Variants in BCAS3 observed in about 807,000 individuals in gnomAD.
BCAS3 encodes BCAS3 microtubule associated cell migration factor, also known as BCAS4/BCAS3 fusion.
In BCAS3, 53 loss-of-function variants were observed where a neutral mutation model predicts 116.1. The ratio of observed to expected loss-of-function variants is 0.46; its 90% CI spans 0.37 to 0.57. The LOEUF (loss-of-function observed/expected upper bound fraction) is 0.57. BCAS3 is among the 20% of genes least tolerant of loss of function. BCAS3 has a pLI of 0.00. For synonymous variants in BCAS3, 391 were observed against 408.2 expected, an observed-to-expected ratio of 0.96 and a Z score of 0.51; for missense variants, 917 against 1,165.4, an observed-to-expected ratio of 0.79 and a Z score of 3.10.
chr17:60,693,056 A>G (rs1253307269), intron 4 of BCAS3, among the ~76,000 whole-genome samples: 3 of 151,800 alleles, frequency 2.0e-5, no homozygotes, highest in Non-Finnish European at 4.4e-5. Flanking sequence ...TTGTATTTTT[A>G]GGAGAAACAG....
chr17:61,011,601 A>G (rs1034114536), intron 15 of BCAS3, among the ~76,000 whole-genome samples: 7 of 152,058 alleles, frequency 4.6e-5, no homozygotes, highest in Admixed American at 3.9e-4. Context: ...GGAAATAAAT[A>G]TATTTCCTTC....
chr17:61,326,749 G>T lies in BCAS3; in HGVS notation c.2426-41578G>T, dbSNP rs2055762967. On this transcript the variant is annotated intron_variant, in intron 22 of 23. Coordinates refer to ENST00000407086, the MANE Select transcript of BCAS3 (RefSeq NM_017679.5). The surrounding 1 kb of genome is among the most constrained non-coding windows in gnomAD (Gnocchi z 5.3). ...GCTTGGATACATTACATTTCCAGTGGATTTGAAGATGTTAAATCTACAGTC... is the reference window on the plus strand; with the variant it reads ...GCTTGGATACATTACATTTCCAGTGTATTTGAAGATGTTAAATCTACAGTC... Among the ~76,000 whole-genome samples the T allele has an allele frequency of 6.6e-6, 1 of 152,122 alleles. No homozygotes were observed. The highest frequency in any genetic ancestry group is 2.4e-5 in the African/African-American group (1 of 41,428).
Position 61,131,594 on chromosome 17 carries a change from C to T in BCAS3, c.2425+47030C>T, listed in dbSNP as rs1045318741. Among the ~76,000 whole-genome samples the T allele has an allele frequency of 6.6e-6, 1 of 152,140 alleles. No homozygotes were observed. The highest frequency in any genetic ancestry group is 2.4e-5 in the African/African-American group (1 of 41,428). On this transcript the variant is annotated intron_variant, in intron 22 of 23. Coordinates refer to ENST00000407086, the MANE Select transcript of BCAS3 (RefSeq NM_017679.5). This position sits in a 1 kb window ranked among gnomAD's most constrained non-coding sequence, Gnocchi z 4.4. ...CCCTTCCTTCTTCATTAATTTATTT[C>T]TCCATAAAGGCCTTTCTTCCTTGAG...
rs1298944053 is a variant in BCAS3, at chr17:61,368,595, T to C, written c.2593+101T>C. The stretch of plus-strand genomic sequence containing the variant: ...TTTGTGGGCATATGTTTGTTTTTGC[T>C]GTTGGTTTCTTTAGTTAGCACTCCA... On this transcript the variant is annotated intron_variant, in intron 23 of 23. Coordinates refer to ENST00000407086, the MANE Select transcript of BCAS3 (RefSeq NM_017679.5). The surrounding 1 kb of genome is among the most constrained non-coding windows in gnomAD (Gnocchi z 6.0). 2 of 1,370,798 alleles carry C rather than the reference T, an allele frequency of 1.5e-6. No homozygotes were observed. Among genetic ancestry groups the C allele is most frequent in the Non-Finnish European group, 9.8e-7 (1 of 1,023,592 alleles). The allele number at this position is 1,370,798 out of a possible 1,614,324, so 84.9% of individuals were successfully genotyped here. A position where few individuals can be genotyped will look rare whatever the true frequency, so the allele number is the denominator to read the frequency against.
chr17:60,749,105 GA>G (rs1466254105), intron 6 of BCAS3: 1 of 152,022 alleles, frequency 6.6e-6, no homozygotes, highest in Non-Finnish European at 1.5e-5. Flanking sequence ...ACTTGTAATG[GA>G]AAAGAGTAAT....
chr17:60,931,603 T>G (rs1380387210), intron 13 of BCAS3, among the ~76,000 whole-genome samples: 1 of 152,168 alleles, frequency 6.6e-6, no homozygotes, highest in Non-Finnish European at 1.5e-5. Context: ...TGGCTAACTC[T>G]TACACTGATT....
In BCAS3 at chr17:61,098,606, G is replaced by A. The variant is rs1310878500; in HGVS notation, c.2425+14042G>A. 6.6e-6 allele frequency among the ~76,000 whole-genome samples: 1 copy of A among 152,134 alleles called. No individual in the cohort carries two copies. Among genetic ancestry groups the A allele is most frequent in the African/African-American group, 2.4e-5 (1 of 41,426 alleles). ...TTTGAGCTTTTCCTGCAATTAAGTG[G>A]TATGCTGCAAAAAGGAATTCGGTTA... On this transcript the variant is annotated intron_variant, in intron 22 of 23. Coordinates refer to ENST00000407086, the MANE Select transcript of BCAS3 (RefSeq NM_017679.5). The surrounding 1 kb of genome is among the most constrained non-coding windows in gnomAD (Gnocchi z 4.2).
chr17:61,283,869 T>C (rs1339946985), intron 22 of BCAS3, among the ~76,000 whole-genome samples: 5 of 152,262 alleles, frequency 3.3e-5, no homozygotes, highest in Admixed American at 6.5e-5. Context: ...GCTCAAACAG[T>C]CCTCCTGCCT....
intron 11 of BCAS3, among the ~76,000 whole-genome samples, chr17:60,908,758 T>G (rs2058329099): frequency 6.6e-6 from 1 of 152,222 alleles, no homozygotes; most frequent in African/African-American, 2.4e-5. Context: ...TTCTCTTGGT[T>G]TTAGTCTGCT....
At position 61,269,105 on chromosome 17, in the gene BCAS3, G is replaced by A. The variant is rs536879368; in HGVS notation, c.2426-99222G>A. 7.9e-4 allele frequency among the ~76,000 whole-genome samples: 119 copies of A among 150,026 alleles called. 2 individuals are homozygous for A. Among genetic ancestry groups the A allele is most frequent in the African/African-American group, 2.9e-3 (119 of 40,930 alleles). Reference sequence around the variant, plus strand: ...GGTGTGCAAACATCTCTTAGAAATTGTATTTTCTTTTCTTTTTTTTTTTTT... The same window carrying A: ...GGTGTGCAAACATCTCTTAGAAATTATATTTTCTTTTCTTTTTTTTTTTTT... On this transcript the variant is annotated intron_variant, in intron 22 of 23. Transcript: ENST00000407086.
At chr17:61,081,738 G>A (rs1032990787) in intron 21 of BCAS3, among the ~76,000 whole-genome samples, 1 of 151,964 alleles carries the variant, frequency 6.6e-6, no homozygotes, top group African/African-American at 2.4e-5. Context: ...TTTCCCACCC[G>A]GCATCCAATT....
chr17:60,813,605 A>G (rs1480518573), intron 7 of BCAS3, among the ~76,000 whole-genome samples: 1 of 152,222 alleles, frequency 6.6e-6, no homozygotes, highest in Non-Finnish European at 1.5e-5. Context: ...TGTGCATCCA[A>G]CAAAGGTCTG....
chr17:60,736,515 A>C (rs935905198), intron 5 of BCAS3, among the ~76,000 whole-genome samples: 3 of 152,052 alleles, frequency 2.0e-5, no homozygotes, highest in Non-Finnish European at 4.4e-5. Context: ...CCGGTGTTAG[A>C]GTAATACTGG....
intron 7 of BCAS3, among the ~76,000 whole-genome samples, chr17:60,838,835 C>G (rs2051615568): frequency 6.6e-6 from 1 of 152,072 alleles, no homozygotes; most frequent in Non-Finnish European, 1.5e-5. Context: ...GACAGGGTTT[C>G]ATTATGTTGC....
At chr17:60,708,202 G>A (rs1234534215) in intron 4 of BCAS3, among the ~76,000 whole-genome samples, 3 of 151,904 alleles carry the variant, frequency 2.0e-5, no homozygotes, top group African/African-American at 4.8e-5. Flanking sequence ...GCATATGCCC[G>A]TAGTCCCAGC....
rs113959369 is a variant in BCAS3 at position 61,068,335 on chromosome 17, T to A, written c.2030-6585T>A. ...GTTACATCTAAATTCTCTAGGGTGT[T>A]CAGGGTATAAAAGTATGAGGTAAGG... On this transcript the variant is annotated intron_variant, in intron 19 of 23. Transcript: ENST00000407086. The surrounding 1 kb of genome is among the most constrained non-coding windows in gnomAD (Gnocchi z 4.3). 1.7e-3 allele frequency among the ~76,000 whole-genome samples: 261 copies of A among 152,294 alleles called. 1 individual carries two copies. Among genetic ancestry groups the A allele is most frequent in the African/African-American group, 5.5e-3 (227 of 41,560 alleles).
At chr17:60,980,798 A>C (rs1254380355) in intron 14 of BCAS3, among the ~76,000 whole-genome samples, 3 of 151,890 alleles carry the variant, frequency 2.0e-5, no homozygotes, top group African/African-American at 7.3e-5. Flanking sequence ...AGGCTCCCAA[A>C]GTGTTGGGAT....
intron 5 of BCAS3, among the ~76,000 whole-genome samples, chr17:60,713,612 T>A (rs2038194897): frequency 6.6e-6 from 1 of 152,326 alleles, no homozygotes; most frequent in East Asian, 1.9e-4. Context: ...TCCTAAACAA[T>A]GCAGTATAAC....
intron 22 of BCAS3, among the ~76,000 whole-genome samples, chr17:61,218,215 G>T (rs1432478832): frequency 6.6e-6 from 1 of 152,180 alleles, no homozygotes; most frequent in Non-Finnish European, 1.5e-5. Context: ...CTCTACTGCC[G>T]CATTCCAAGG....
Sources: gnomAD v4.1 joint callset for allele counts (sites outside exome capture counted in the v4.1 genomes callset) on GRCh38, gnomAD v4.1.1 for gene constraint, Gnocchi (gnomAD v3.1) non-coding constraint, MANE v1.5 for transcripts, NCBI Gene and HGNC (gene_info 2026-07-23, HGNC 2026-07-21) for gene names.